Variants in ATP2B4 observed in about 807,000 individuals in gnomAD.
ATP2B4 encodes ATPase plasma membrane Ca2+ transporting 4, also known as plasma membrane calcium-transporting ATPase 4.
Under a neutral mutation model 110.3 loss-of-function variants are expected in ATP2B4, and 39 were observed. That is an observed-to-expected ratio of 0.35 (90% CI 0.27 to 0.46). The LOEUF is 0.46. ATP2B4 is among the 20% of genes least tolerant of loss of function. The pLI, the probability that ATP2B4 is intolerant of heterozygous loss-of-function variation, is 1.00. For missense variants in ATP2B4, 1,135 were observed against 1,530.9 expected (o/e 0.74, Z 4.32); for synonymous variants, 538 against 571.7 (o/e 0.94, Z 0.84).
At chr1:203,690,136 G>T (rs1442419893) in intron 2 of ATP2B4, among the ~76,000 whole-genome samples, 1 of 152,190 alleles carries the variant, frequency 6.6e-6, no homozygotes, top group Non-Finnish European at 1.5e-5. Context: ...TTAGCTTGAG[G>T]ATTTAGATGA....
chr1:203,663,891 A>G (rs1011834066), intron 1 of ATP2B4, among the ~76,000 whole-genome samples: 1 of 152,178 alleles, frequency 6.6e-6, no homozygotes, highest in African/African-American at 2.4e-5. Flanking sequence ...GGCATGAGCC[A>G]CTGTGCCCAG....
rs754998537 is a variant in ATP2B4 at position 203,710,948 on chromosome 1, G to A, written c.1871G>A (p.Arg624His). The A allele has an allele frequency of 2.7e-5, 44 of 1,613,968 alleles. No individual in the cohort carries two copies. The highest frequency in any genetic ancestry group is 3.3e-4 in the Middle Eastern group (2 of 6,084). ...FKNKDRDDMV[R>H]TVIEPMACDG... ...AATAAAGACAGAGATGATATGGTAC[G>A]CACTGTCATCGAGCCCATGGCCTGT... The change falls in exon 12 of 21, where the codon CGC (arginine) becomes CAC (histidine). Residue 624 changes from arginine to histidine, a missense_variant. Arg to His is a conservative substitution (Grantham distance 29, BLOSUM62 0). Coordinates refer to ENST00000357681, the MANE Select transcript of ATP2B4 (RefSeq NM_001684.5).
rs1666983583 is a variant in ATP2B4, at chr1:203,740,851, T to A, written c.*997T>A. ...ATATTGAGGACCAGACGCTGCCAAA[T>A]CTAGGACAAGACAGACCATCAAAGC... On this transcript the variant is annotated 3_prime_UTR_variant, in exon 21 of 21. Transcript: ENST00000357681. The A allele has an allele frequency of 6.6e-6, 1 of 152,184 alleles. No individual in the cohort carries two copies. The highest frequency in any genetic ancestry group is 6.5e-5 in the Admixed American group (1 of 15,276). 9.4% of individuals were successfully genotyped at this position (152,184 alleles called of 1,614,324 possible).
At chr1:203,734,810 C>T (rs893269050) in intron 20 of ATP2B4, among the ~76,000 whole-genome samples, 1 of 151,714 alleles carries the variant, frequency 6.6e-6, no homozygotes, top group Non-Finnish European at 1.5e-5. Context: ...CAAGACCAGC[C>T]TGGCCAATAT....
chr1:203,728,582 G>T (rs759061604), intron 20 of ATP2B4, among the ~76,000 whole-genome samples: 1 of 152,186 alleles, frequency 6.6e-6, no homozygotes, highest in South Asian at 2.1e-4. Flanking sequence ...AGTCGGCCAG[G>T]CATGGTGGCT....
At chr1:203,637,904 G>C (rs1406785992) in intron 1 of ATP2B4, among the ~76,000 whole-genome samples, 1 of 152,204 alleles carries the variant, frequency 6.6e-6, no homozygotes, top group Non-Finnish European at 1.5e-5. Context: ...CCTCTGTCTA[G>C]TGGGATACAA....
At chr1:203,700,392 T>C in intron 5 of ATP2B4, 61 bp downstream of exon 5, 1 of 1,560,714 alleles carries the variant, frequency 6.4e-7, no homozygotes, top group Non-Finnish European at 8.7e-7. Flanking sequence ...GGCCACAGGA[T>C]CCAGACCCTG....
intron 1 of ATP2B4, among the ~76,000 whole-genome samples, chr1:203,681,559 G>A (rs1203874616): frequency 1.3e-5 from 2 of 152,100 alleles, no homozygotes; most frequent in African/African-American, 2.4e-5. Flanking sequence ...CTGATGTGTG[G>A]CAGTGACACC....
rs1666295744 is a variant in ATP2B4, at chr1:203,720,747, G to C, written c.2598+7G>C. 1 of 1,608,416 alleles carries C rather than the reference G, an allele frequency of 6.2e-7. No individual in the cohort carries two copies. Among genetic ancestry groups the C allele is most frequent in the South Asian group, 1.1e-5 (1 of 90,214 alleles). On this transcript the variant is annotated splice_region_variant and intron_variant, in intron 16 of 20. Coordinates refer to ENST00000357681, the MANE Select transcript of ATP2B4 (RefSeq NM_001684.5). ...TGGAGCCTGTATCACTCAGGTGAAG[G>C]GGGTGTGGGTGGGCTGAGACGGGAG...
At chr1:203,732,421 G>A (rs560964699) in intron 20 of ATP2B4, among the ~76,000 whole-genome samples, 7 of 152,218 alleles carry the variant, frequency 4.6e-5, no homozygotes, top group African/African-American at 1.7e-4. Context: ...TGGCCACTGG[G>A]TTCTTGAGCT....
chr1:203,702,145 C>A, intron 7 of ATP2B4, 66 bp downstream of exon 7: 1 of 1,570,130 alleles, frequency 6.4e-7, no homozygotes, highest in South Asian at 1.1e-5. Flanking sequence ...CTTTCCAGGC[C>A]ATCTTCCTTC....
At chr1:203,643,250 C>T (rs1663685487) in intron 1 of ATP2B4, among the ~76,000 whole-genome samples, 1 of 152,184 alleles carries the variant, frequency 6.6e-6, no homozygotes, top group Non-Finnish European at 1.5e-5. Flanking sequence ...ACCACCTCAC[C>T]TTGTTTACTC....
chr1:203,634,651 A>C (rs757790395), intron 1 of ATP2B4, among the ~76,000 whole-genome samples: 48 of 152,206 alleles, frequency 3.2e-4, no homozygotes, highest in Non-Finnish European at 5.0e-4. Context: ...TAAGCAACAG[A>C]AATGCATCTC....
intron 1 of ATP2B4, among the ~76,000 whole-genome samples, chr1:203,653,985 A>ATATATT (rs1426863910): frequency 8.4e-4 from 94 of 112,404 alleles, no homozygotes; most frequent in African/African-American, 3.4e-3. Context: ...ATATATATAT[A>ATATATT]TTTTTTTTTT....
At chr1:203,676,599 G>A (rs1412051745) in intron 1 of ATP2B4, among the ~76,000 whole-genome samples, 2 of 152,290 alleles carry the variant, frequency 1.3e-5, no homozygotes, top group South Asian at 2.1e-4. Context: ...CCAAGGTGGT[G>A]CACAGGAAAC....
intron 19 of ATP2B4, among the ~76,000 whole-genome samples, chr1:203,726,896 C>T (rs1363335973): frequency 6.6e-6 from 1 of 152,172 alleles, no homozygotes; most frequent in Non-Finnish European, 1.5e-5. Context: ...AACACAGAAA[C>T]TACTTTGCAT....
intron 7 of ATP2B4, among the ~76,000 whole-genome samples, chr1:203,703,230 A>G (rs1402776464): frequency 1.3e-5 from 2 of 152,144 alleles, no homozygotes; most frequent in Non-Finnish European, 2.9e-5. Flanking sequence ...CTTGTGCTCC[A>G]GAAACATCTG....
At chr1:203,671,064 T>G (rs1333697460) in intron 1 of ATP2B4, among the ~76,000 whole-genome samples, 2 of 152,186 alleles carry the variant, frequency 1.3e-5, no homozygotes, top group Non-Finnish European at 2.9e-5. Flanking sequence ...TCCTAATAAG[T>G]GTATACCAAT....
Position 203,695,334 on chromosome 1 carries a change from C to T in ATP2B4, c.194-2823C>T, listed in dbSNP as rs118166270. Among the ~76,000 whole-genome samples, 96 of 152,342 alleles carry T rather than the reference C, an allele frequency of 6.3e-4. 1 individual carries two copies. In the East Asian group the frequency reaches 0.015, roughly 24 times the overall value. ...GGCCCTGCCCCTTTGGCAAGTCTGC[C>T]TCTGCCTGTCTGGGGCTAAAGATTC... On this transcript the variant is annotated intron_variant, in intron 2 of 20. Coordinates refer to ENST00000357681, the MANE Select transcript of ATP2B4 (RefSeq NM_001684.5).
Sources: allele counts gnomAD v4.1 joint callset (sites outside exome capture counted in the v4.1 genomes callset), GRCh38; gene constraint gnomAD v4.1.1; transcripts MANE v1.5; gene names NCBI Gene and HGNC (gene_info 2026-07-23, HGNC 2026-07-21).